Variants in SPON2 observed in about 807,000 individuals in gnomAD.
SPON2 encodes spondin-2.
SPON2 carries 32 observed loss-of-function variants against 29.9 expected under a neutral mutation model. The ratio of observed to expected loss-of-function variants is 1.07; its 90% CI spans 0.81 to 1.44. The LOEUF (loss-of-function observed/expected upper bound fraction) is 1.44, where lower values mean the gene tolerates loss of function less well. Among genes scored for constraint, SPON2 ranks in the 40% most tolerant of loss-of-function variants. The pLI is 0.00. For synonymous variants in SPON2, 248 were observed against 209.1 expected (o/e 1.19, Z -1.61); for missense variants, 541 against 455.5 (o/e 1.19, Z -1.71).
In SPON2 at chr4:1,171,459, A is replaced by C. The variant is rs1469864278; in HGVS notation, c.248T>G (p.Met83Arg). 2 of 1,611,864 alleles carry C rather than the reference A, an allele frequency of 1.2e-6. No individual in the cohort carries two copies. Among genetic ancestry groups the C allele is most frequent in the Admixed American group, 1.7e-5 (1 of 60,010 alleles). The change falls in exon 3 of 6, where the codon ATG becomes AGG. Residue 83 changes from methionine (M) to arginine (R), a missense_variant. Met to Arg is a moderately conservative substitution (Grantham distance 91, BLOSUM62 -1). Coordinates refer to ENST00000290902, the MANE Select transcript of SPON2 (RefSeq NM_012445.4). ...ACTGACGTACTGGTTCTTCCTCCACATGCTGTAGTCGGAGCTATGCGCGGC... is the reference window on the plus strand; with the variant it reads ...ACTGACGTACTGGTTCTTCCTCCACCTGCTGTAGTCGGAGCTATGCGCGGC... The part of the protein sequence containing the change: ...LGAAHSSDYS[M>R]WRKNQYVSNG...
rs375883310 is a variant in SPON2, at chr4:1,170,409, G to A, written c.804C>T (p.Ser268=). ...GACCTGTATGTCCGTTACCTGAGGCGCTGTCTACAATCTCATTGTCCCTGC... is the reference window on the plus strand; with the variant it reads ...GACCTGTATGTCCGTTACCTGAGGCACTGTCTACAATCTCATTGTCCCTGC... ...LPSRDNEIVD[S]ASVPETPLDC... is the part of the protein sequence containing the mutation. Residue 268 remains serine, a synonymous_variant, in exon 5 of 6, where the codon AGC becomes AGT. Coordinates refer to ENST00000290902, the MANE Select transcript of SPON2 (RefSeq NM_012445.4). 1.3e-5 allele frequency: 21 copies of A among 1,612,548 alleles called. No homozygotes were observed. The highest frequency in any genetic ancestry group is 1.6e-5 in the Non-Finnish European group (19 of 1,179,590).
chr4:1,196,949 T>C (rs528704712), upstream of SPON2: 1 of 152,320 alleles, frequency 6.6e-6, no homozygotes, highest in South Asian at 2.1e-4. Context: ...CAGGGCTAAG[T>C]AGGGCCTGTG....
At chr4:1,172,910 TCCTCC>T (rs1727510874), upstream of SPON2, 1 of 15,392 alleles carries the variant, frequency 6.5e-5, no homozygotes, top group African/African-American at 2.8e-4. Flanking sequence ...TCCCCTCCCC[TCCTCC>T]CCTCCCCTCC....
intron 1 of SPON2, among the ~76,000 whole-genome samples, chr4:1,194,634 G>A (rs1163411000): frequency 1.3e-5 from 2 of 152,156 alleles, no homozygotes; most frequent in Admixed American, 6.5e-5. Context: ...TCTGGCCCGC[G>A]GGACCTGCTC....
At chr4:1,174,808 G>A (rs996940597), upstream of SPON2, among the ~76,000 whole-genome samples, 1 of 152,148 alleles carries the variant, frequency 6.6e-6, no homozygotes, top group Non-Finnish European at 1.5e-5. Context: ...TTCCCATATC[G>A]GCTCCAGCAC....
At chr4:1,184,918 C>G (rs1304820391) in intron 1 of SPON2, among the ~76,000 whole-genome samples, 2 of 132,842 alleles carry the variant, frequency 1.5e-5, no homozygotes, top group African/African-American at 5.4e-5. Context: ...GCTTGGGCGA[C>G]AGTGCAAGAC....
intron 1 of SPON2, among the ~76,000 whole-genome samples, chr4:1,189,373 C>T (rs1304148385): frequency 1.3e-5 from 2 of 151,950 alleles, no homozygotes; most frequent in South Asian, 2.1e-4. Context: ...TCAATTAAAA[C>T]AGACCGGGTA....
upstream of SPON2, among the ~76,000 whole-genome samples, chr4:1,196,095 C>T (rs1268646626): frequency 6.6e-6 from 1 of 152,210 alleles, no homozygotes; most frequent in Non-Finnish European, 1.5e-5. Context: ...CCATCGCTGC[C>T]CCCCGACAGG....
At chr4:1,179,104 C>T (rs575968573) in intron 2 of SPON2, among the ~76,000 whole-genome samples, 3 of 152,318 alleles carry the variant, frequency 2.0e-5, no homozygotes, top group African/African-American at 4.8e-5. Context: ...GTGAGCTGAG[C>T]TGCAGCCCAC....
exon 1 of SPON2, chr4:1,195,004 T>TCCCACCCCGCAGCCGGCGGC: frequency 2.2e-5 from 1 of 44,780 alleles, no homozygotes; most frequent in Admixed American, 2.5e-4. Context: ...CAGCCGGCGG[T>TCCCACCCCGCAGCCGGCGGC]TCCAACCCCG....
At chr4:1,200,620 C>G (rs1728174813) in intron 1 of SPON2, 1 of 351,106 alleles carries the variant, frequency 2.8e-6, no homozygotes, top group African/African-American at 2.1e-5. Flanking sequence ...CAGCTGTTCC[C>G]CATCAGCACC....
chr4:1,206,982 G>A (rs1728357505), intron 1 of SPON2, among the ~76,000 whole-genome samples: 1 of 151,418 alleles, frequency 6.6e-6, no homozygotes, highest in Non-Finnish European at 1.5e-5. Flanking sequence ...ATTGGAGGTG[G>A]GTGGGGGTGG....
chr4:1,208,627 C>T (rs2108687708), upstream of SPON2: 1 of 152,514 alleles, frequency 6.6e-6, no homozygotes, highest in East Asian at 1.9e-4. Flanking sequence ...TCCAGCAGGG[C>T]CCTTGGAGGA....
chr4:1,170,814 C>T (rs1727410340), intron 4 of SPON2, 185 bp downstream of exon 4: 5 of 1,007,976 alleles, frequency 5.0e-6, no homozygotes, highest in South Asian at 4.1e-5. Flanking sequence ...GCTGTGACCC[C>T]GGGTTGGGAG....
At position 1,171,140 on chromosome 4, in the gene SPON2, C is replaced by G. The variant is rs1254339584; in HGVS notation, c.495G>C (p.Val165=). 6.4e-7 allele frequency: 1 copy of G among 1,554,182 alleles called. No individual in the cohort carries two copies. The highest frequency in any genetic ancestry group is 1.9e-5 in the Admixed American group (1 of 51,902). ...CCCCGTCGCACAGGTCCAGGCTGTC[C>G]ACGCCCACGAACCAGTCGGGGCTGG... ...IVPSPDWFVG[V]DSLDLCDGDR... Residue 165 remains valine, a synonymous_variant, in exon 4 of 6, where the codon GTG becomes GTC. Coordinates refer to ENST00000290902, the MANE Select transcript of SPON2 (RefSeq NM_012445.4).
At chr4:1,193,671 T>G (rs1459327102) in intron 1 of SPON2, among the ~76,000 whole-genome samples, 1 of 3,058 alleles carries the variant, frequency 3.3e-4, no homozygotes, top group African/African-American at 8.9e-4. Context: ...ATGTGGGGGG[T>G]GTGGGAAGGA....
At chr4:1,168,599 G>T (rs952653373) in intron 5 of SPON2, among the ~76,000 whole-genome samples, 13 of 152,184 alleles carry the variant, frequency 8.5e-5, no homozygotes, top group African/African-American at 3.1e-4. Flanking sequence ...AAGCCAGAGA[G>T]CCAGGGCCCC....
chr4:1,176,521 TTCACACAGTACATTCATTCACTAATTCAC>T (rs976617275), upstream of SPON2, among the ~76,000 whole-genome samples: 16 of 151,114 alleles, frequency 1.1e-4, no homozygotes, highest in Non-Finnish European at 1.9e-4. Context: ...AGTACATTGA[TTCACACAGTACATTCATTCACTAATTCAC>T]TCACACAGTA....
At chr4:1,170,710 C>T in intron 4 of SPON2, 134 bp from the exon 5 acceptor site, 2 of 1,156,940 alleles carry the variant, frequency 1.7e-6, no homozygotes, top group South Asian at 1.3e-5. Flanking sequence ...GTCCCATGTA[C>T]TCCTCTCAGC....
Sources: allele counts gnomAD v4.1 joint callset (sites outside exome capture counted in the v4.1 genomes callset), GRCh38; gene constraint gnomAD v4.1.1; transcripts MANE v1.5; gene names NCBI Gene and HGNC (gene_info 2026-07-23, HGNC 2026-07-21).